ODR4: variants seen among roughly 807,000 people sequenced by gnomAD.
The protein encoded by ODR4 is protein odr-4 homolog.
Under a neutral mutation model 60.2 loss-of-function variants are expected in ODR4, and 47 were observed. The observed-to-expected ratio is 0.78, with a 90% confidence interval of 0.62 to 1.00. The LOEUF is 1.00. Ranked by LOEUF, ODR4 falls within the 50% of genes least tolerant of loss-of-function variation. The pLI is 0.00. For missense variants in ODR4, 488 were observed against 530.8 expected (o/e 0.92, Z 0.79); for synonymous variants, 178 against 175.5 (o/e 1.01, Z -0.11).
rs750735676 is a variant in ODR4, at chr1:186,386,078, C to T, written c.325C>T (p.Arg109Cys). Residue 109 changes from arginine (R) to cysteine (C), a missense_variant, in exon 4 of 14, where the codon CGT (arginine) becomes TGT (cysteine). Arg to Cys is a radical substitution (Grantham distance 180). Coordinates refer to ENST00000287859, the MANE Select transcript of ODR4 (RefSeq NM_017847.6). ...GGCAAATGATTTTCAAAATGCCCTGCGTAGAGTAAGTTTGATATATCGAAA... is the reference window on the plus strand; with the variant it reads ...GGCAAATGATTTTCAAAATGCCCTGTGTAGAGTAAGTTTGATATATCGAAA... Reference protein sequence around the residue: ...ELANDFQNALRRLMFAVEKSI... With the variant: ...ELANDFQNALCRLMFAVEKSI... 6.7e-5 allele frequency: 105 copies of T among 1,571,286 alleles called. No individual in the cohort carries two copies. The highest frequency in any genetic ancestry group is 7.2e-5 in the Non-Finnish European group (83 of 1,152,504).
intron 9 of ODR4, among the ~76,000 whole-genome samples, chr1:186,397,797 C>G (rs568885314): frequency 1.1e-4 from 16 of 152,286 alleles, no homozygotes; most frequent in South Asian, 4.1e-4. Flanking sequence ...ACTGGCATTC[C>G]TTAGACTAAA....
At chr1:186,424,393 G>T (rs900466680), downstream of ODR4, among the ~76,000 whole-genome samples, 4 of 152,192 alleles carry the variant, frequency 2.6e-5, no homozygotes, top group African/African-American at 9.7e-5. Flanking sequence ...ACTCAGGATA[G>T]TGGCAAGGTG....
chr1:186,433,559 T>G, the ODR4 span, among the ~76,000 whole-genome samples: 1 of 152,050 alleles, frequency 6.6e-6, no homozygotes, highest in African/African-American at 2.4e-5. Context: ...TAATTATTAG[T>G]TACAATGCTT....
chr1:186,382,442 A>AC (rs1491567590), intron 2 of ODR4, among the ~76,000 whole-genome samples: 1 of 151,586 alleles, frequency 6.6e-6, no homozygotes, highest in Non-Finnish European at 1.5e-5. Context: ...ATAAATAAAT[A>AC]CACACACACA....
intron 11 of ODR4, chr1:186,400,931 G>A: frequency 9.8e-7 from 1 of 1,024,790 alleles, no homozygotes; most frequent in South Asian, 1.4e-5. Flanking sequence ...GTGTGGCTTT[G>A]TTTTTGCAAT....
downstream of ODR4, among the ~76,000 whole-genome samples, chr1:186,422,038 CAATT>C (rs2102107652): frequency 6.6e-6 from 1 of 151,632 alleles, no homozygotes; most frequent in South Asian, 2.1e-4. Context: ...TATGAATAGA[CAATT>C]ACCCAATTAA....
intron 3 of ODR4, among the ~76,000 whole-genome samples, chr1:186,383,998 C>T (rs1475744544): frequency 6.6e-6 from 1 of 152,164 alleles, no homozygotes; most frequent in Non-Finnish European, 1.5e-5. Flanking sequence ...AAGATCACAC[C>T]ATTGCACTCC....
chr1:186,424,663 T>C (rs888253971), downstream of ODR4, among the ~76,000 whole-genome samples: 2 of 151,842 alleles, frequency 1.3e-5, no homozygotes, highest in Admixed American at 6.6e-5. Flanking sequence ...AGGGGCTGGA[T>C]TGGGCTTGAA....
rs969880405 is a variant in ODR4, at chr1:186,419,904, G to A, written c.*828G>A. On this transcript the variant is annotated 3_prime_UTR_variant, in exon 14 of 14. Coordinates refer to ENST00000287859, the MANE Select transcript of ODR4 (RefSeq NM_017847.6). ...ACTGTGTGTTTTGTTCTGATCAAGG[G>A]GTAGGGAACCTTTCCAGAGAAGTCC... is the stretch of plus-strand genomic sequence containing the variant. 6.6e-6 allele frequency: 1 copy of A among 151,938 alleles called. No individual in the cohort carries two copies. Among genetic ancestry groups the A allele is most frequent in the Non-Finnish European group, 1.5e-5 (1 of 67,990 alleles). 9.4% of individuals were successfully genotyped at this position (151,938 alleles called of 1,614,324 possible).
At chr1:186,377,793 C>T (rs1285438797) in intron 1 of ODR4, among the ~76,000 whole-genome samples, 1 of 152,150 alleles carries the variant, frequency 6.6e-6, no homozygotes, top group African/African-American at 2.4e-5. Context: ...CACCTGTAAT[C>T]CCAGCACTTT....
chr1:186,381,873 T>G (rs1202616825), intron 2 of ODR4, among the ~76,000 whole-genome samples: 1 of 152,226 alleles, frequency 6.6e-6, no homozygotes, highest in African/African-American at 2.4e-5. Flanking sequence ...TTTATTTGAA[T>G]GTAACTTCCT....
intron 12 of ODR4, among the ~76,000 whole-genome samples, chr1:186,414,516 A>C (rs1034190108): frequency 6.6e-6 from 1 of 151,738 alleles, no homozygotes; most frequent in Non-Finnish European, 1.5e-5. Context: ...GGGGAAAAAA[A>C]CAAAAACCTT....
intron 1 of ODR4, among the ~76,000 whole-genome samples, chr1:186,378,695 T>A (rs940436818): frequency 6.6e-6 from 1 of 152,218 alleles, no homozygotes; most frequent in African/African-American, 2.4e-5. Flanking sequence ...CCTTTGCCAC[T>A]TACCCAGCTT....
intron 12 of ODR4, among the ~76,000 whole-genome samples, chr1:186,415,448 TTCTC>T (rs989493318): frequency 2.0e-5 from 3 of 152,100 alleles, no homozygotes; most frequent in South Asian, 2.1e-4. Context: ...CTCTCTTGAG[TTCTC>T]TCTCTCTTTT....
the ODR4 span, among the ~76,000 whole-genome samples, chr1:186,434,980 T>C: frequency 6.6e-6 from 1 of 152,116 alleles, no homozygotes; most frequent in African/African-American, 2.4e-5. Flanking sequence ...GAGTGAACGC[T>C]CTAAGAAATA....
At chr1:186,383,262 G>A (rs186761328) in intron 3 of ODR4, 106 bp downstream of exon 3, 30 of 1,248,226 alleles carry the variant, frequency 2.4e-5, no homozygotes, top group Admixed American at 5.9e-5. Flanking sequence ...GGAGAAAGTA[G>A]CTAAAGATGA....
the ODR4 span, among the ~76,000 whole-genome samples, chr1:186,426,705 G>GA: frequency 6.6e-6 from 1 of 152,146 alleles, no homozygotes; most frequent in African/African-American, 2.4e-5. Flanking sequence ...GAGAGAGAAA[G>GA]AATTGATGGC....
intron 12 of ODR4, 54 bp downstream of exon 12, chr1:186,406,322 C>T: frequency 7.6e-7 from 1 of 1,308,898 alleles, no homozygotes; most frequent in Non-Finnish European, 1.0e-6. Flanking sequence ...AAGATTTTAC[C>T]TATGAGATGT....
chr1:186,400,184 G>T (rs1368610914), intron 11 of ODR4, among the ~76,000 whole-genome samples: 2 of 150,482 alleles, frequency 1.3e-5, no homozygotes, highest in African/African-American at 4.9e-5. Context: ...TAGAGACGGG[G>T]TTTCACCGTG....
Sources: gnomAD v4.1 joint callset for allele counts (sites outside exome capture counted in the v4.1 genomes callset) on GRCh38, gnomAD v4.1.1 for gene constraint, MANE v1.5 for transcripts, NCBI Gene and HGNC (gene_info 2026-07-23, HGNC 2026-07-21) for gene names.